The following CERS6 variants were observed in gnomAD, a reference collection of about 807,000 sequenced individuals.
CERS6 encodes the protein LAG1 homolog, ceramide synthase 6.
Under a neutral mutation model 56.8 loss-of-function variants are expected in CERS6, and 26 were observed. That is an observed-to-expected ratio of 0.46 (90% CI 0.34 to 0.63). The LOEUF (loss-of-function observed/expected upper bound fraction) is 0.63. CERS6 is among the 30% of genes least tolerant of loss of function. The probability of loss-of-function intolerance (pLI) is 0.01; values close to 1 mark genes in which losing one functional copy is unlikely to be tolerated. For synonymous variants in CERS6, 164 were observed against 173.3 expected, an observed-to-expected ratio of 0.95 and a Z score of 0.42; for missense variants, 415 against 467.5, an observed-to-expected ratio of 0.89 and a Z score of 1.04.
chr2:168,629,861 G>A (rs1324162026), intron 3 of CERS6, among the ~76,000 whole-genome samples: 1 of 151,816 alleles, frequency 6.6e-6, no homozygotes, highest in Non-Finnish European at 1.5e-5. Flanking sequence ...TGTTGCCCAG[G>A]CTGGAGTGCA....
chr2:168,631,375 G>A (rs923810769), intron 4 of CERS6, among the ~76,000 whole-genome samples: 3 of 135,714 alleles, frequency 2.2e-5, no homozygotes. Flanking sequence ...TTCACCAGTA[G>A]AAATAACTAT....
chr2:168,665,178 G>A (rs1027599165), intron 4 of CERS6, among the ~76,000 whole-genome samples: 10 of 152,084 alleles, frequency 6.6e-5, no homozygotes, highest in African/African-American at 2.4e-4. Flanking sequence ...ATGAAAAGAT[G>A]GTTTTTACTG....
rs111295592 is a variant in CERS6, at chr2:168,762,826, C to T, written c.846-2766C>T. Among the ~76,000 whole-genome samples the T allele has an allele frequency of 9.7e-3, 1,476 of 152,166 alleles. 29 individuals carry two copies. Among genetic ancestry groups the T allele is most frequent in the African/African-American group, 0.033 (1,379 of 41,512 alleles). ...GTCTATAAATAGGAGTTGCAGAAAT[C>T]GGGGGTGGGGAAGAACCTATTTGTC... On this transcript the variant is annotated intron_variant, in intron 8 of 9. Coordinates refer to ENST00000305747, the MANE Select transcript of CERS6 (RefSeq NM_203463.3).
chr2:168,588,195 C>T (rs1574083534), intron 3 of CERS6, among the ~76,000 whole-genome samples: 1 of 151,346 alleles, frequency 6.6e-6, no homozygotes, highest in Non-Finnish European at 1.5e-5. Flanking sequence ...GTTGGGATTA[C>T]AGGCAAGAGC....
chr2:168,674,449 T>C (rs181157535), intron 4 of CERS6, among the ~76,000 whole-genome samples: 5 of 152,348 alleles, frequency 3.3e-5, no homozygotes, highest in African/African-American at 1.2e-4. Context: ...TTTGGCTTCT[T>C]GATACTAGTT....
intron 3 of CERS6, among the ~76,000 whole-genome samples, chr2:168,614,041 G>T (rs2105276410): frequency 6.6e-6 from 1 of 152,334 alleles, no homozygotes; most frequent in East Asian, 1.9e-4. Flanking sequence ...AGGAGTGCAA[G>T]TTCACTGGCA....
At chr2:168,600,006 A>G (rs187252101) in intron 3 of CERS6, among the ~76,000 whole-genome samples, 2 of 152,272 alleles carry the variant, frequency 1.3e-5, no homozygotes, top group African/African-American at 4.8e-5. Flanking sequence ...ACAGTGATAC[A>G]GTGATGCTTA....
intron 3 of CERS6, among the ~76,000 whole-genome samples, chr2:168,598,231 G>T (rs933423877): frequency 5.9e-5 from 9 of 152,192 alleles, no homozygotes; most frequent in African/African-American, 2.2e-4. Flanking sequence ...TTTCAGATTT[G>T]AGTGTCTTCA....
At chr2:168,541,173 CT>C (rs1403316735) in intron 1 of CERS6, among the ~76,000 whole-genome samples, 3 of 152,130 alleles carry the variant, frequency 2.0e-5, no homozygotes, top group Admixed American at 6.5e-5. Context: ...TCACCCACCC[CT>C]GAGGGACAGC....
At chr2:168,489,097 A>C (rs896929898) in intron 1 of CERS6, among the ~76,000 whole-genome samples, 1 of 152,138 alleles carries the variant, frequency 6.6e-6, no homozygotes, top group African/African-American at 2.4e-5. Flanking sequence ...GCTGAAAATG[A>C]ATACTTTTAA....
At chr2:168,751,658 A>G (rs1008904155) in intron 8 of CERS6, among the ~76,000 whole-genome samples, 2 of 152,122 alleles carry the variant, frequency 1.3e-5, no homozygotes. Context: ...ACCATCCCAC[A>G]GTTTCCATAA....
chr2:168,652,061 A>G (rs1286173124), intron 4 of CERS6, among the ~76,000 whole-genome samples: 1 of 151,000 alleles, frequency 6.6e-6, no homozygotes, highest in Non-Finnish European at 1.5e-5. Context: ...CTTCACAACA[A>G]CCATTACATA....
intron 9 of CERS6, chr2:168,766,413 A>G: frequency 3.6e-6 from 5 of 1,378,334 alleles, no homozygotes; most frequent in Non-Finnish European, 5.1e-6. Flanking sequence ...GGGCACTCAG[A>G]TGCTTTTGTT....
intron 8 of CERS6, among the ~76,000 whole-genome samples, chr2:168,746,711 C>A (rs940269767): frequency 8.9e-5 from 13 of 145,544 alleles, no homozygotes; most frequent in African/African-American, 3.3e-4. Flanking sequence ...AGCAGCTTCC[C>A]CTCTTCTGCA....
At chr2:168,677,809 A>G (rs1686103059) in intron 4 of CERS6, among the ~76,000 whole-genome samples, 1 of 152,268 alleles carries the variant, frequency 6.6e-6, no homozygotes, top group Admixed American at 6.5e-5. Flanking sequence ...GTGTCTTTAT[A>G]GTGGAATGAT....
chr2:168,743,346 A>C (rs1033359236), intron 8 of CERS6, among the ~76,000 whole-genome samples: 2 of 152,016 alleles, frequency 1.3e-5, no homozygotes, highest in African/African-American at 2.4e-5. Flanking sequence ...TATATATAAG[A>C]GTTGTTTGGC....
rs546955889 is a variant in CERS6 at position 168,600,144 on chromosome 2, A to T, written c.408-30841A>T. ...TTATAGGTGACAGTAGTGTCTGCTT[A>T]GTCGTGGGTAAACTATCCAACTTAT... On this transcript the variant is annotated intron_variant, in intron 3 of 9. Transcript: ENST00000305747. 2.6e-5 allele frequency among the ~76,000 whole-genome samples: 4 copies of T among 151,022 alleles called. No individual in the cohort carries two copies. In the East Asian group the frequency reaches 7.8e-4, roughly 30 times the overall value.
Position 168,773,283 on chromosome 2 carries a change from T to TG in CERS6, c.*3621_*3622insG, listed in dbSNP as rs1684913660. The TG allele has an allele frequency of 6.6e-6, 1 of 152,222 alleles. No individual in the cohort carries two copies. The highest frequency in any genetic ancestry group is 2.1e-4 in the South Asian group (1 of 4,830). 9.4% of individuals were successfully genotyped at this position (152,222 alleles called of 1,614,324 possible). A position where few individuals can be genotyped will look rare whatever the true frequency, so the allele number is the denominator to read the frequency against. On this transcript the variant is annotated 3_prime_UTR_variant, in exon 10 of 10. Transcript: ENST00000305747. The stretch of plus-strand genomic sequence containing the variant: ...AAATTATAAAGAGTAATTCCAAAGG[T>TG]ATTAAAAGATTGTTTAACAGTATGT...
intron 2 of CERS6, among the ~76,000 whole-genome samples, chr2:168,556,802 A>G (rs746805369): frequency 1.3e-5 from 2 of 152,112 alleles, no homozygotes; most frequent in Non-Finnish European, 2.9e-5. Context: ...AAATTTTAGT[A>G]CAAAGTTAAT....
Sources: gnomAD v4.1 joint callset for allele counts (sites outside exome capture counted in the v4.1 genomes callset) on GRCh38, gnomAD v4.1.1 for gene constraint, MANE v1.5 for transcripts, NCBI Gene and HGNC (gene_info 2026-07-23, HGNC 2026-07-21) for gene names.